SYCP1: variants seen among roughly 807,000 people sequenced by gnomAD.
SYCP1 encodes cancer/testis antigen 8.
In SYCP1, 64 loss-of-function variants were observed where a neutral mutation model predicts 153.1. The observed-to-expected ratio is 0.42, with a 90% CI of 0.34 to 0.51. The LOEUF is 0.51. Ranked by LOEUF, SYCP1 falls within the 20% of genes least tolerant of loss-of-function variation. The pLI is 0.06. For missense variants in SYCP1, 997 were observed against 1,049.0 expected (o/e 0.95, Z 0.68); for synonymous variants, 384 against 341.8 (o/e 1.12, Z -1.36).
intron 12 of SYCP1, among the ~76,000 whole-genome samples, chr1:114,884,061 A>G (rs1246483578): frequency 6.6e-6 from 1 of 152,154 alleles, no homozygotes; most frequent in Non-Finnish European, 1.5e-5. Flanking sequence ...GTTTTTTCAG[A>G]ATGGAATTTT....
intron 15 of SYCP1, among the ~76,000 whole-genome samples, chr1:114,888,665 A>G (rs1666478654): frequency 6.6e-6 from 1 of 152,066 alleles, no homozygotes; most frequent in African/African-American, 2.4e-5. Context: ...TTCGAGCATA[A>G]AATAGTGTTT....
At chr1:114,882,636 C>T (rs1210085601) in intron 12 of SYCP1, among the ~76,000 whole-genome samples, 3 of 151,684 alleles carry the variant, frequency 2.0e-5, no homozygotes, top group Non-Finnish European at 4.4e-5. Context: ...ACCTTGTTTG[C>T]TTGTGTGCCT....
intron 20 of SYCP1, among the ~76,000 whole-genome samples, chr1:114,919,482 A>G (rs1175329860): frequency 1.3e-5 from 2 of 151,580 alleles, no homozygotes; most frequent in Non-Finnish European, 3.0e-5. Flanking sequence ...ATGTGTCTTT[A>G]TTTGGCTTTG....
chr1:114,895,912 A>G (rs1667029848), intron 16 of SYCP1, among the ~76,000 whole-genome samples: 1 of 152,106 alleles, frequency 6.6e-6, no homozygotes, highest in Non-Finnish European at 1.5e-5. Flanking sequence ...GTAAAATTTC[A>G]TTGTATTTTA....
chr1:114,910,619 TTTA>T lies in SYCP1; in HGVS notation c.1425+125_1425+127del, dbSNP rs1359605653. 9 of 586,078 alleles carry T rather than the reference TTTA, an allele frequency of 1.5e-5. No homozygotes were observed. In the East Asian group the frequency reaches 3.1e-4, roughly 20 times the overall value. 36.3% of individuals were successfully genotyped at this position (586,078 alleles called of 1,614,324 possible). ...TCTTCACAAAATTCCTTTCCAAGCA[TTTA>T]TTATTACATTAATATATTTATGATT... On this transcript the variant is annotated intron_variant, in intron 17 of 31. Transcript: ENST00000369522.
At chr1:114,893,150 T>C (rs1666836774) in intron 15 of SYCP1, among the ~76,000 whole-genome samples, 1 of 152,192 alleles carries the variant, frequency 6.6e-6, no homozygotes, top group African/African-American at 2.4e-5. Flanking sequence ...AGGAGGTGAG[T>C]GGGCAGATGC....
At chr1:114,952,998 G>A (rs1048367788) in intron 27 of SYCP1, among the ~76,000 whole-genome samples, 1 of 152,162 alleles carries the variant, frequency 6.6e-6, no homozygotes, top group Non-Finnish European at 1.5e-5. Context: ...AGGGCCTTTT[G>A]TGGCATCCTC....
chr1:114,962,962 A>G (rs1478629330), intron 27 of SYCP1, among the ~76,000 whole-genome samples: 4 of 152,148 alleles, frequency 2.6e-5, no homozygotes, highest in Non-Finnish European at 5.9e-5. Context: ...TTCTTGGCTG[A>G]TAATTATTTT....
chr1:114,876,891 T>C, intron 11 of SYCP1, 81 bp downstream of exon 11: 1 of 690,074 alleles, frequency 1.4e-6, no homozygotes. Context: ...AAGTTTATAT[T>C]TACTGAAAGT....
At chr1:114,892,366 C>T (rs749308515) in intron 15 of SYCP1, among the ~76,000 whole-genome samples, 1 of 151,922 alleles carries the variant, frequency 6.6e-6, no homozygotes, top group Admixed American at 6.5e-5. Context: ...AGGGAGTGTG[C>T]GATTGTTGTA....
chr1:114,953,180 C>T (rs529340941), intron 27 of SYCP1, among the ~76,000 whole-genome samples: 1 of 152,310 alleles, frequency 6.6e-6, no homozygotes, highest in East Asian at 1.9e-4. Flanking sequence ...CAATGACAAC[C>T]AAATTTCAAC....
chr1:114,926,340 G>T lies in SYCP1; in HGVS notation c.1863G>T (p.Glu621Asp). 1 of 1,531,054 alleles carries T rather than the reference G, an allele frequency of 6.5e-7. No homozygotes were observed. Among genetic ancestry groups the T allele is most frequent in the Non-Finnish European group, 8.8e-7 (1 of 1,137,228 alleles). The allele number at this position is 1,531,054 out of a possible 1,614,324, so 94.8% of individuals were successfully genotyped here. A position where few individuals can be genotyped will look rare whatever the true frequency, so the allele number is the denominator to read the frequency against. The change falls in exon 22 of 32, where the codon GAG (glutamate) becomes GAT (aspartate). Residue 621 changes from glutamate (E) to aspartate (D), a missense_variant and splice_region_variant. Physicochemically the swap from Glu to Asp is conservative, Grantham distance 45. This residue lies in a region of SYCP1 where 712 missense variants were observed against 682.9 expected (regional missense o/e 1.04). Transcript: ENST00000369522. Reference protein sequence around the residue: ...KNKYIEELQQENKALKKKGTA... With the variant: ...KNKYIEELQQDNKALKKKGTA... Reference sequence around the variant, plus strand: ...AGTATATTGAAGAACTTCAGCAGGAGGTATGTATTTTTTATAAATATTCTC... The same window carrying T: ...AGTATATTGAAGAACTTCAGCAGGATGTATGTATTTTTTATAAATATTCTC...
intron 30 of SYCP1, among the ~76,000 whole-genome samples, chr1:114,993,065 G>C (rs1040468043): frequency 4.0e-5 from 6 of 151,382 alleles, no homozygotes; most frequent in Non-Finnish European, 7.4e-5. Flanking sequence ...CAGATGATAA[G>C]GTTTTGTTGT....
intron 28 of SYCP1, chr1:114,977,821 G>A (rs1260329209): frequency 2.9e-6 from 1 of 343,938 alleles, no homozygotes; most frequent in Non-Finnish European, 5.4e-6. Flanking sequence ...ATTTGGAGAA[G>A]GTTTCAGTCT....
chr1:114,953,682 C>G (rs985527383), intron 27 of SYCP1, among the ~76,000 whole-genome samples: 3 of 152,222 alleles, frequency 2.0e-5, no homozygotes, highest in Non-Finnish European at 2.9e-5. Context: ...ACCAATATCA[C>G]TGCCATGCTT....
At chr1:114,923,639 G>T in intron 21 of SYCP1, 109 bp downstream of exon 21, 1 of 1,116,392 alleles carries the variant, frequency 9.0e-7, no homozygotes, top group East Asian at 3.3e-5. Context: ...AAATAATAGT[G>T]ATCTAGAGAC....
intron 20 of SYCP1, among the ~76,000 whole-genome samples, chr1:114,922,075 T>A (rs909494852): frequency 2.0e-5 from 3 of 152,168 alleles, no homozygotes; most frequent in African/African-American, 7.2e-5. Flanking sequence ...CCTTGACCTT[T>A]GTGAGTTTGA....
chr1:114,909,728 T>C (rs532218222), intron 16 of SYCP1, among the ~76,000 whole-genome samples: 1 of 152,260 alleles, frequency 6.6e-6, no homozygotes, highest in Admixed American at 6.5e-5. Flanking sequence ...TTTAAGCATC[T>C]AGTGAGGGCT....
chr1:114,913,438 G>A (rs1668311229), intron 19 of SYCP1, among the ~76,000 whole-genome samples: 1 of 151,990 alleles, frequency 6.6e-6, no homozygotes, highest in African/African-American at 2.4e-5. Flanking sequence ...AGTCATACAA[G>A]ATTGTGGAGG....
Sources: gnomAD v4.1 joint callset for allele counts (sites outside exome capture counted in the v4.1 genomes callset) on GRCh38, gnomAD v4.1.1 for gene constraint, gnomAD v4.1.1 regional missense constraint, MANE v1.5 for transcripts, NCBI Gene and HGNC (gene_info 2026-07-23, HGNC 2026-07-21) for gene names.